Variants in LGALS3 observed in about 807,000 individuals in gnomAD.
LGALS3 encodes the protein galectin 3.
In LGALS3, 18 loss-of-function variants were observed where a neutral mutation model predicts 20.7. That is an observed-to-expected ratio of 0.87 (90% confidence interval 0.60 to 1.29). The LOEUF is 1.29. Among genes scored for constraint, LGALS3 ranks in the 50% most tolerant of loss-of-function variants. The pLI is 0.00. For missense variants in LGALS3, 315 were observed against 314.7 expected, an observed-to-expected ratio of 1.00 and a Z score of -0.01; for synonymous variants, 112 against 119.6, an observed-to-expected ratio of 0.94 and a Z score of 0.42.
intron 1 of LGALS3, among the ~76,000 whole-genome samples, chr14:55,130,036 C>T (rs569790341): frequency 4.0e-4 from 61 of 152,318 alleles, no homozygotes; most frequent in African/African-American, 1.4e-3. Context: ...GGGCATGACC[C>T]GGCTTTGCAA....
At chr14:55,138,465 C>T in intron 3 of LGALS3, 97 bp downstream of exon 3, 2 of 1,286,172 alleles carry the variant, frequency 1.6e-6, no homozygotes, top group Non-Finnish European at 2.2e-6. Context: ...TTCTCAAGGG[C>T]CAGCCATGGG....
At chr14:55,135,047 G>C (rs994409695) in intron 1 of LGALS3, among the ~76,000 whole-genome samples, 2 of 151,924 alleles carry the variant, frequency 1.3e-5, no homozygotes, top group African/African-American at 4.8e-5. Flanking sequence ...CCAGTTCCTT[G>C]GGAGGCTGAG....
intron 1 of LGALS3, among the ~76,000 whole-genome samples, chr14:55,131,302 T>C (rs1463517018): frequency 4.6e-5 from 7 of 152,330 alleles, no homozygotes; most frequent in Middle Eastern, 3.4e-3. Context: ...TAAACTATGA[T>C]AGTTCGCTGT....
At chr14:55,142,169 T>G (rs915702818) in intron 4 of LGALS3, among the ~76,000 whole-genome samples, 1 of 152,252 alleles carries the variant, frequency 6.6e-6, no homozygotes, top group Non-Finnish European at 1.5e-5. Context: ...ATAGCTGGCT[T>G]GCCTTTACCA....
At chr14:55,135,085 T>C (rs1225967140) in intron 1 of LGALS3, among the ~76,000 whole-genome samples, 1 of 150,734 alleles carries the variant, frequency 6.6e-6, no homozygotes, top group Non-Finnish European at 1.5e-5. Context: ...GCCTGGGAGG[T>C]GGAGGCTGCA....
At chr14:55,133,770 A>T (rs1453411470) in intron 1 of LGALS3, among the ~76,000 whole-genome samples, 3 of 152,232 alleles carry the variant, frequency 2.0e-5, no homozygotes, top group Non-Finnish European at 4.4e-5. Flanking sequence ...TGGAAAATAA[A>T]CTAAACATGC....
Position 55,140,323 on chromosome 14 carries a change from C to T in LGALS3, c.391C>T (p.Leu131=). 6.2e-7 allele frequency: 1 copy of T among 1,613,698 alleles called. No homozygotes were observed. The highest frequency in any genetic ancestry group is 8.5e-7 in the Non-Finnish European group (1 of 1,179,768). Residue 131 remains leucine (L), a synonymous_variant, in exon 4 of 6, where the codon CTG becomes TTG. Transcript: ENST00000254301. The part of the protein sequence containing the change: ...PLPGGVVPRM[L]ITILGTVKPN... ...GCCTGGGGGAGTGGTGCCTCGCATGCTGATAACAATTCTGGGCACGGTGAA... is the reference window on the plus strand; with the variant it reads ...GCCTGGGGGAGTGGTGCCTCGCATGTTGATAACAATTCTGGGCACGGTGAA...
chr14:55,136,870 A>C (rs1297335673), intron 1 of LGALS3, among the ~76,000 whole-genome samples: 1 of 132,036 alleles, frequency 7.6e-6, no homozygotes, highest in South Asian at 2.5e-4. Context: ...CTGTGGGCTC[A>C]ATTGTTTTGA....
chr14:55,135,560 G>GTTTTTTTTTTTTTT (rs762172869), intron 1 of LGALS3, among the ~76,000 whole-genome samples: 2 of 106,560 alleles, frequency 1.9e-5, no homozygotes, highest in Non-Finnish European at 3.5e-5. Flanking sequence ...ATATTTTATG[G>GTTTTTTTTTTTTTT]TTTTTTTTTT....
chr14:55,134,411 T>C (rs990248238), intron 1 of LGALS3, among the ~76,000 whole-genome samples: 1 of 152,206 alleles, frequency 6.6e-6, no homozygotes, highest in Non-Finnish European at 1.5e-5. Flanking sequence ...AAAATGTTGA[T>C]AACGTTATTG....
chr14:55,136,895 G>A (rs2140291821), intron 1 of LGALS3, among the ~76,000 whole-genome samples: 1 of 144,744 alleles, frequency 6.9e-6, no homozygotes, highest in South Asian at 2.2e-4. Context: ...TAGATCCTGT[G>A]GCCCCTTTGA....
chr14:55,144,814 T>A (rs771413946), intron 5 of LGALS3, among the ~76,000 whole-genome samples: 14 of 152,152 alleles, frequency 9.2e-5, no homozygotes, highest in Non-Finnish European at 1.8e-4. Context: ...TCCACCCGCC[T>A]CAGCCTCCCA....
rs564498527 is a variant in LGALS3 at position 55,138,351 on chromosome 14, G to A, written c.325G>A (p.Ala109Thr). 31 of 1,612,794 alleles carry A rather than the reference G, an allele frequency of 1.9e-5. No individual in the cohort carries two copies. Among genetic ancestry groups the A allele is most frequent in the African/African-American group, 1.6e-4 (12 of 75,058 alleles). Residue 109 changes from alanine to threonine, a missense_variant, in exon 3 of 6, where the codon GCC (alanine) becomes ACC (threonine). Coordinates refer to ENST00000254301, the MANE Select transcript of LGALS3 (RefSeq NM_002306.4). ...CTACCCTGCCACTGGCCCCTATGGC[G>A]CCCCTGCTGGGCCACTGGTGAGATG... ...GAYPATGPYG[A>T]PAGPLIVPYN... is the part of the protein sequence containing the mutation.
Position 55,145,265 on chromosome 14 carries a change from G to A in LGALS3, c.747G>A (p.Met249Ile). 1.9e-6 allele frequency: 3 copies of A among 1,611,616 alleles called. No homozygotes were observed. The highest frequency in any genetic ancestry group is 1.7e-6 in the Non-Finnish European group (2 of 1,179,130). The part of the protein sequence containing the change: ...DIDLTSASYT[M>I]I ...ACCTCACCAGTGCTTCATATACCAT[G>A]ATATAATCTGAAAGGGGCAGATTAA... Residue 249 changes from methionine (M) to isoleucine (I), a missense_variant, in exon 6 of 6, where the codon ATG becomes ATA. Physicochemically the swap from Met to Ile is conservative, Grantham distance 10 (BLOSUM62 1). Transcript: ENST00000254301.
At position 55,136,912 on chromosome 14, in the gene LGALS3, A is replaced by C. The variant is rs541957457; in HGVS notation, c.-4-458A>C. Reference sequence around the variant, plus strand: ...GATCCTGTGGCCCCTTTGACCATGCAGATCATGGCCTATTCATCTTCACAC... The same window carrying C: ...GATCCTGTGGCCCCTTTGACCATGCCGATCATGGCCTATTCATCTTCACAC... On this transcript the variant is annotated intron_variant, in intron 1 of 5. Coordinates refer to ENST00000254301, the MANE Select transcript of LGALS3 (RefSeq NM_002306.4). Among the ~76,000 whole-genome samples, 5 of 150,794 alleles carry C rather than the reference A, an allele frequency of 3.3e-5. No homozygotes were observed. In the South Asian group the frequency reaches 1.0e-3, roughly 32 times the overall value.
chr14:55,144,194 A>G (rs552485159), intron 5 of LGALS3, among the ~76,000 whole-genome samples: 1 of 152,300 alleles, frequency 6.6e-6, no homozygotes, highest in East Asian at 1.9e-4. Context: ...AGGCTGGAGT[A>G]CAGTGGCATG....
At chr14:55,133,784 A>G (rs962087843) in intron 1 of LGALS3, among the ~76,000 whole-genome samples, 1 of 152,210 alleles carries the variant, frequency 6.6e-6, no homozygotes, top group African/African-American at 2.4e-5. Flanking sequence ...AACATGCTTG[A>G]GCAGAGGCTT....
chr14:55,145,419 C>T lies in LGALS3; in HGVS notation c.*148C>T, dbSNP rs1240277328. On this transcript the variant is annotated 3_prime_UTR_variant, in exon 6 of 6. Coordinates refer to ENST00000254301, the MANE Select transcript of LGALS3 (RefSeq NM_002306.4). The stretch of plus-strand genomic sequence containing the variant: ...ATAAATATTACAGTGAATTACCTGT[C>T]TCAATATGTCATTTAATTGGAGTGG... 1.4e-6 allele frequency: 2 copies of T among 1,402,268 alleles called. No homozygotes were observed. The highest frequency in any genetic ancestry group is 1.9e-6 in the Non-Finnish European group (2 of 1,030,386). The allele number at this position is 1,402,268 out of a possible 1,614,324, so 86.9% of individuals were successfully genotyped here.
chr14:55,145,252 C>T lies in LGALS3; in HGVS notation c.734C>T (p.Ala245Val). The change falls in exon 6 of 6, where the codon GCT (alanine) becomes GTT (valine). Residue 245 changes from alanine to valine, a missense_variant. Transcript: ENST00000254301. ...GISGDIDLTS[A>V]SYTMI Reference sequence around the variant, plus strand: ...TCTGGTGACATAGACCTCACCAGTGCTTCATATACCATGATATAATCTGAA... The same window carrying T: ...TCTGGTGACATAGACCTCACCAGTGTTTCATATACCATGATATAATCTGAA... The T allele has an allele frequency of 2.5e-6, 4 of 1,612,572 alleles. No homozygotes were observed. The highest frequency in any genetic ancestry group is 3.4e-6 in the Non-Finnish European group (4 of 1,179,630).
Sources: gnomAD v4.1 joint callset for allele counts (sites outside exome capture counted in the v4.1 genomes callset) on GRCh38, gnomAD v4.1.1 for gene constraint, MANE v1.5 for transcripts, NCBI Gene and HGNC (gene_info 2026-07-23, HGNC 2026-07-21) for gene names.